The following DTNA variants were observed in gnomAD, a reference collection of about 807,000 sequenced individuals.
DTNA encodes the protein dystrobrevin alpha, also known as dystrophin-related protein 3.
A neutral mutation model predicts 100.7 loss-of-function variants in DTNA; 43 were observed. That is an observed-to-expected ratio of 0.43 (90% CI 0.33 to 0.55). The LOEUF is 0.55. Among genes scored for constraint, DTNA ranks in the 20% least tolerant of loss-of-function variants. The pLI is 0.04. For missense variants in DTNA, 798 were observed against 953.9 expected (o/e 0.84, Z 2.15); for synonymous variants, 349 against 347.9 (o/e 1.00, Z -0.04).
intron 1 of DTNA, among the ~76,000 whole-genome samples, chr18:34,514,561 G>A (rs965381459): frequency 7.9e-5 from 12 of 152,098 alleles, no homozygotes; most frequent in Admixed American, 7.9e-4. Flanking sequence ...ACTGAAGTGT[G>A]GCCAAATGAG....
chr18:34,764,094 G>A (rs1218526713), intron 2 of DTNA, among the ~76,000 whole-genome samples: 1 of 152,162 alleles, frequency 6.6e-6, no homozygotes, highest in Non-Finnish European at 1.5e-5. Context: ...AAGTTACAGG[G>A]AGGTAAATCA....
At chr18:34,803,754 A>T (rs527483235) in intron 4 of DTNA, among the ~76,000 whole-genome samples, 1 of 152,326 alleles carries the variant, frequency 6.6e-6, no homozygotes, top group South Asian at 2.1e-4. Flanking sequence ...GAGGACAGGA[A>T]TGCTTTTGAA....
At chr18:34,668,832 T>A (rs958308949) in intron 1 of DTNA, among the ~76,000 whole-genome samples, 10 of 151,948 alleles carry the variant, frequency 6.6e-5, no homozygotes, top group South Asian at 2.1e-4. Flanking sequence ...TGCTGAGGAG[T>A]GCTTTACTTC....
chr18:34,664,156 T>A (rs77356751), intron 1 of DTNA, among the ~76,000 whole-genome samples: 1 of 152,212 alleles, frequency 6.6e-6, no homozygotes, highest in African/African-American at 2.4e-5. Context: ...AGCCTGGAGT[T>A]TCTTCATATT....
intron 1 of DTNA, among the ~76,000 whole-genome samples, chr18:34,618,954 G>GC (rs2055898667): frequency 6.6e-6 from 1 of 152,038 alleles, no homozygotes; most frequent in Non-Finnish European, 1.5e-5. Context: ...TACAATAGAA[G>GC]CCCCAAAAGG....
At chr18:34,605,154 G>A (rs1377462598) in intron 1 of DTNA, among the ~76,000 whole-genome samples, 2 of 151,228 alleles carry the variant, frequency 1.3e-5, no homozygotes, top group African/African-American at 4.9e-5. Context: ...TAAATTATAG[G>A]GCATACAATT....
At chr18:34,581,298 G>A (rs1352624287) in intron 1 of DTNA, among the ~76,000 whole-genome samples, 1 of 150,636 alleles carries the variant, frequency 6.6e-6, no homozygotes, top group African/African-American at 2.5e-5. Flanking sequence ...AAAAGAAACT[G>A]TGTTAATACC....
chr18:34,551,866 A>G (rs1037039719), intron 1 of DTNA, among the ~76,000 whole-genome samples: 2 of 152,148 alleles, frequency 1.3e-5, no homozygotes, highest in African/African-American at 4.8e-5. Context: ...ATAAGACCCA[A>G]ATAATGTGAT....
intron 1 of DTNA, among the ~76,000 whole-genome samples, chr18:34,657,709 A>G (rs2074596864): frequency 6.6e-6 from 1 of 152,210 alleles, no homozygotes; most frequent in South Asian, 2.1e-4. Flanking sequence ...CCATTCTCCA[A>G]TAGAAGTCTA....
chr18:34,667,327 A>C (rs899663557), intron 1 of DTNA, among the ~76,000 whole-genome samples: 30 of 152,226 alleles, frequency 2.0e-4, no homozygotes, highest in Non-Finnish European at 4.0e-4. Flanking sequence ...TTTGGGGCTG[A>C]GACGATGGGG....
chr18:34,509,550 G>T (rs1323336254), intron 1 of DTNA, among the ~76,000 whole-genome samples: 3 of 151,944 alleles, frequency 2.0e-5, no homozygotes, highest in Non-Finnish European at 4.4e-5. Flanking sequence ...ACAAAATAAT[G>T]ATTTTTGCTA....
chr18:34,818,788 C>A, intron 8 of DTNA: 1 of 395,936 alleles, frequency 2.5e-6, no homozygotes, highest in Non-Finnish European at 3.7e-6. Context: ...AGAGTGTGGA[C>A]TTAATAATAC....
At chr18:34,524,753 A>ATT (rs369760157) in intron 1 of DTNA, among the ~76,000 whole-genome samples, 3 of 151,514 alleles carry the variant, frequency 2.0e-5, no homozygotes, top group African/African-American at 7.3e-5. Flanking sequence ...ACACAAGAGG[A>ATT]TTTTTTTTTA....
intron 16 of DTNA, among the ~76,000 whole-genome samples, chr18:34,860,191 C>T (rs747407667): frequency 5.4e-4 from 79 of 145,306 alleles, no homozygotes; most frequent in Non-Finnish European, 8.8e-4. Flanking sequence ...GGATTACAGG[C>T]GCGTGCCACC....
intron 2 of DTNA, 107 bp downstream of exon 2, chr18:34,756,150 C>A: frequency 7.6e-7 from 1 of 1,313,568 alleles, no homozygotes; most frequent in East Asian, 2.5e-5. Context: ...TCCTTAGGAT[C>A]CTAAGTTCCT....
chr18:34,525,605 G>A (rs2042541055), intron 1 of DTNA, among the ~76,000 whole-genome samples: 1 of 152,138 alleles, frequency 6.6e-6, no homozygotes, highest in African/African-American at 2.4e-5. Flanking sequence ...TCTCTTAAAG[G>A]AGAGTATATT....
chr18:34,576,294 C>T (rs1207190536), intron 1 of DTNA, among the ~76,000 whole-genome samples: 1 of 152,162 alleles, frequency 6.6e-6, no homozygotes, highest in Non-Finnish European at 1.5e-5. Flanking sequence ...CTGTAGTCTT[C>T]CAGGAACCCA....
At chr18:34,824,271 C>T (rs1419169121) in intron 9 of DTNA, among the ~76,000 whole-genome samples, 1 of 152,068 alleles carries the variant, frequency 6.6e-6, no homozygotes, top group East Asian at 1.9e-4. Flanking sequence ...GTCAGGAGAT[C>T]GAGACCATCC....
intron 1 of DTNA, among the ~76,000 whole-genome samples, chr18:34,748,582 G>C (rs780852477): frequency 6.6e-6 from 1 of 152,040 alleles, no homozygotes. Flanking sequence ...CCTAATTTAT[G>C]TTTTGTATGC....
Sources: gnomAD v4.1 joint callset for allele counts (sites outside exome capture counted in the v4.1 genomes callset) on GRCh38, gnomAD v4.1.1 for gene constraint, MANE v1.5 for transcripts, NCBI Gene and HGNC (gene_info 2026-07-23, HGNC 2026-07-21) for gene names.